RBM20: variants seen among roughly 807,000 people sequenced by gnomAD.
RBM20 encodes the protein RNA binding motif protein 20, also known as RNA-binding protein 20.
Under a neutral mutation model 110.1 loss-of-function variants are expected in RBM20, and 51 were observed. The ratio of observed to expected loss-of-function variants is 0.46; its 90% CI spans 0.37 to 0.59. The LOEUF is 0.59. Among genes scored for constraint, RBM20 ranks in the 20% least tolerant of loss-of-function variants. The pLI is 0.00. For synonymous variants in RBM20, 589 were observed against 618.2 expected (o/e 0.95, Z 0.70); for missense variants, 1,512 against 1,574.9 (o/e 0.96, Z 0.68).
chr10:110,643,383 C>T (rs530810088), upstream of RBM20, among the ~76,000 whole-genome samples: 7 of 152,222 alleles, frequency 4.6e-5, no homozygotes, highest in African/African-American at 1.7e-4. Flanking sequence ...CCGAACCTTG[C>T]TTGGTGGCTC....
At chr10:110,742,263 A>T (rs1259967362) in intron 1 of RBM20, among the ~76,000 whole-genome samples, 1 of 152,144 alleles carries the variant, frequency 6.6e-6, no homozygotes, top group Non-Finnish European at 1.5e-5. Flanking sequence ...GCCCTCTCCC[A>T]AGTCAGGGGC....
At chr10:110,759,436 TAAGA>T (rs1843966862) in intron 1 of RBM20, among the ~76,000 whole-genome samples, 1 of 152,094 alleles carries the variant, frequency 6.6e-6, no homozygotes, top group Non-Finnish European at 1.5e-5. Context: ...TTGAAAGGAT[TAAGA>T]AAGAAAAGGA....
chr10:110,715,699 G>A (rs1863004991), intron 1 of RBM20, among the ~76,000 whole-genome samples: 1 of 152,224 alleles, frequency 6.6e-6, no homozygotes, highest in Non-Finnish European at 1.5e-5. Context: ...GATGACTGGG[G>A]TTCCACCATC....
At chr10:110,787,900 A>C (rs11818323) in intron 5 of RBM20, among the ~76,000 whole-genome samples, 3,078 of 152,212 alleles carry the variant, frequency 0.02, 82 homozygotes, top group African/African-American at 0.071. Flanking sequence ...AATAAAAACA[A>C]CAGCCAACAT....
rs372048968 is a variant in RBM20 at position 110,812,439 on chromosome 10, A to G, written c.2042A>G (p.Tyr681Cys). Residue 681 changes from tyrosine to cysteine, a missense_variant, in exon 9 of 14, where the codon TAT becomes TGT. Tyr to Cys is a radical substitution (Grantham distance 194). Around this residue, in one of 3 missense-constraint regions of RBM20, gnomAD observed 1,149 missense variants for 1,169.4 expected, o/e 0.98. Transcript: ENST00000369519. ...CGGGACTCCTGGGAGCACTCTCCCT[A>G]TGCCAGGAGGGAGGAAGAGCGAGAC... ...NGRDSWEHSP[Y>C]ARREEERDPA... The G allele has an allele frequency of 2.4e-4, 368 of 1,551,550 alleles. No homozygotes were observed. The highest frequency in any genetic ancestry group is 3.2e-4 in the Non-Finnish European group (363 of 1,146,984).
At chr10:110,817,302 C>G (rs1346158202) in intron 9 of RBM20, among the ~76,000 whole-genome samples, 1 of 152,188 alleles carries the variant, frequency 6.6e-6, no homozygotes, top group Non-Finnish European at 1.5e-5. Flanking sequence ...TAGAGCAAGA[C>G]AAGTGTCTAG....
chr10:110,784,857 C>T lies in RBM20; in HGVS notation c.1495C>T (p.Pro499Ser). Reference sequence around the variant, plus strand: ...AGCAAGGTCATTCACTCAGTCAAGCCCCACATTTCCTTTGGCTTCTGTGGG... The same window carrying T: ...AGCAAGGTCATTCACTCAGTCAAGCTCCACATTTCCTTTGGCTTCTGTGGG... ...IPARSFTQSS[P>S]TFPLASVGTT... Residue 499 changes from proline to serine, a missense_variant, in exon 5 of 14, where the codon CCC becomes TCC. Physicochemically the swap from Pro to Ser is moderately conservative, Grantham distance 74 (BLOSUM62 -1). This residue lies in a region of RBM20 where 1,149 missense variants were observed against 1,169.4 expected (regional missense o/e 0.98). Transcript: ENST00000369519. The T allele has an allele frequency of 6.4e-7, 1 of 1,550,520 alleles. No homozygotes were observed. The highest frequency in any genetic ancestry group is 8.7e-7 in the Non-Finnish European group (1 of 1,145,952).
At chr10:110,738,304 G>T (rs902132250) in intron 1 of RBM20, among the ~76,000 whole-genome samples, 3 of 152,134 alleles carry the variant, frequency 2.0e-5, no homozygotes, top group Non-Finnish European at 4.4e-5. Flanking sequence ...CCAGCTTAAT[G>T]CCAGTGCCCA....
chr10:110,831,682 A>AAAAAAAAAAAAAAAAC (rs1845057003), intron 13 of RBM20, among the ~76,000 whole-genome samples: 1 of 136,468 alleles, frequency 7.3e-6, no homozygotes, highest in Non-Finnish European at 1.6e-5. Context: ...AAAAAAAAAA[A>AAAAAAAAAAAAAAAAC]AAAAAAAAAC....
chr10:110,654,528 C>G (rs554328053), intron 1 of RBM20, among the ~76,000 whole-genome samples: 4 of 152,274 alleles, frequency 2.6e-5, no homozygotes, highest in East Asian at 3.9e-4. Context: ...TTTGCAGAAG[C>G]CTTTTAACTC....
chr10:110,703,319 A>G (rs1425820893), intron 1 of RBM20, among the ~76,000 whole-genome samples: 4 of 151,892 alleles, frequency 2.6e-5, no homozygotes, highest in Non-Finnish European at 5.9e-5. Flanking sequence ...CGGAGGTTGC[A>G]GTGAGCTCAG....
intron 7 of RBM20, among the ~76,000 whole-genome samples, chr10:110,804,146 C>T (rs372895358): frequency 1.3e-5 from 2 of 152,176 alleles, no homozygotes; most frequent in Admixed American, 6.5e-5. Context: ...GAGAGAGAGT[C>T]GCTCTGACTG....
intron 12 of RBM20, among the ~76,000 whole-genome samples, chr10:110,826,733 C>T (rs1844986635): frequency 6.6e-6 from 1 of 152,006 alleles, no homozygotes; most frequent in Non-Finnish European, 1.5e-5. Context: ...CAGGCACCTG[C>T]CACCACGCCT....
rs550901484 is a variant in RBM20 at position 110,796,388 on chromosome 10, A to G, written c.1528-1120A>G. ...CCAATAATTATCAAAATTTTACAAC[A>G]CTTGCTTCATCTGTCTTTTTTCATA... On this transcript the variant is annotated intron_variant, in intron 5 of 13. Coordinates refer to ENST00000369519, the MANE Select transcript of RBM20 (RefSeq NM_001134363.3). 2.0e-5 allele frequency among the ~76,000 whole-genome samples: 3 copies of G among 152,344 alleles called. No homozygotes were observed. In the South Asian group the frequency reaches 6.2e-4, roughly 32 times the overall value.
chr10:110,751,147 G>A (rs1043435572), intron 1 of RBM20, among the ~76,000 whole-genome samples: 3 of 152,160 alleles, frequency 2.0e-5, no homozygotes, highest in African/African-American at 7.2e-5. Flanking sequence ...TATAACCAAT[G>A]TCTCCATCAT....
At chr10:110,819,961 G>C (rs1590700685) in intron 9 of RBM20, 111 bp from the exon 10 acceptor site, 1 of 609,422 alleles carries the variant, frequency 1.6e-6, no homozygotes, top group Admixed American at 3.2e-5. Flanking sequence ...AGGAAATGCT[G>C]TATGTGAAAC....
chr10:110,775,355 A>T (rs1844247766), intron 1 of RBM20, among the ~76,000 whole-genome samples: 1 of 152,220 alleles, frequency 6.6e-6, no homozygotes, highest in Admixed American at 6.5e-5. Context: ...TGCTTATTGC[A>T]GATGTGGCCG....
intron 1 of RBM20, among the ~76,000 whole-genome samples, chr10:110,750,365 C>A (rs1314589010): frequency 6.6e-6 from 1 of 152,158 alleles, no homozygotes; most frequent in Non-Finnish European, 1.5e-5. Flanking sequence ...GGACCTTCCT[C>A]TCAGGGGCTG....
chr10:110,653,598 C>T (rs1308972470), intron 1 of RBM20, among the ~76,000 whole-genome samples: 1 of 151,506 alleles, frequency 6.6e-6, no homozygotes, highest in Admixed American at 6.6e-5. Context: ...CACTCTGTCA[C>T]TGAGGCTGGA....
Sources: allele counts gnomAD v4.1 joint callset (sites outside exome capture counted in the v4.1 genomes callset), GRCh38; gene constraint gnomAD v4.1.1; regional missense constraint gnomAD v4.1.1; transcripts MANE v1.5; gene names NCBI Gene and HGNC (gene_info 2026-07-23, HGNC 2026-07-21).